Variants in GFRAL observed in about 807,000 individuals in gnomAD.
The protein encoded by GFRAL is GDNF family receptor alpha-like.
Under a neutral mutation model 45.4 loss-of-function variants are expected in GFRAL, and 36 were observed. That is an observed-to-expected ratio of 0.79 (90% CI 0.61 to 1.05). The LOEUF (loss-of-function observed/expected upper bound fraction) is 1.05, where lower values mean the gene tolerates loss of function less well. GFRAL is among the 50% of genes least tolerant of loss of function. GFRAL has a pLI of 0.00. For synonymous variants in GFRAL, 166 were observed against 154.1 expected, an observed-to-expected ratio of 1.08 and a Z score of -0.57; for missense variants, 507 against 467.5, an observed-to-expected ratio of 1.08 and a Z score of -0.78.
intron 3 of GFRAL, among the ~76,000 whole-genome samples, chr6:55,337,344 T>C (rs1767904537): frequency 6.6e-6 from 1 of 152,176 alleles, no homozygotes; most frequent in Non-Finnish European, 1.5e-5. Context: ...AAAAACTATG[T>C]TCATAAAGTA....
chr6:55,399,926 G>A (rs577063886), intron 8 of GFRAL, among the ~76,000 whole-genome samples: 4 of 152,080 alleles, frequency 2.6e-5, no homozygotes, highest in South Asian at 4.1e-4. Context: ...ATTTCATAAA[G>A]CCTCACAGAG....
At chr6:55,357,490 T>G (rs1581910333) in intron 5 of GFRAL, among the ~76,000 whole-genome samples, 2 of 151,916 alleles carry the variant, frequency 1.3e-5, no homozygotes, top group East Asian at 3.9e-4. Context: ...CTCCTGCTTC[T>G]TTTTTTGGTT....
chr6:55,375,930 T>C (rs149063649), intron 6 of GFRAL, among the ~76,000 whole-genome samples: 2 of 152,158 alleles, frequency 1.3e-5, no homozygotes, highest in Non-Finnish European at 2.9e-5. Context: ...ATCCTTATCT[T>C]GTGCTGGTGT....
intron 1 of GFRAL, 138 bp from the exon 2 acceptor site, chr6:55,331,576 GT>G: frequency 3.2e-6 from 2 of 628,970 alleles, no homozygotes; most frequent in South Asian, 5.1e-5. Context: ...TAGAGAGGAG[GT>G]TAAGGTTATT....
At chr6:55,383,132 T>C (rs1307365594) in intron 6 of GFRAL, among the ~76,000 whole-genome samples, 3 of 151,910 alleles carry the variant, frequency 2.0e-5, no homozygotes, top group Non-Finnish European at 4.4e-5. Flanking sequence ...TCACATGGTT[T>C]CCAGTTAAAA....
chr6:55,372,638 A>G (rs1768466223), intron 6 of GFRAL, among the ~76,000 whole-genome samples: 1 of 152,140 alleles, frequency 6.6e-6, no homozygotes. Flanking sequence ...GGAGCATTTT[A>G]TGGTTCGATG....
At chr6:55,366,538 G>T (rs1390042371) in intron 6 of GFRAL, among the ~76,000 whole-genome samples, 3 of 143,948 alleles carry the variant, frequency 2.1e-5, no homozygotes, top group African/African-American at 8.1e-5. Flanking sequence ...ATGTTAGGGT[G>T]TCAGTTTTGG....
At chr6:55,352,975 A>C (rs989212297) in intron 5 of GFRAL, among the ~76,000 whole-genome samples, 3 of 152,106 alleles carry the variant, frequency 2.0e-5, no homozygotes, top group Admixed American at 2.0e-4. Context: ...TTTTAAGGCA[A>C]ACAACACTAG....
At chr6:55,330,467 T>C (rs1767814724) in intron 1 of GFRAL, among the ~76,000 whole-genome samples, 1 of 152,082 alleles carries the variant, frequency 6.6e-6, no homozygotes. Context: ...GATGTCAAAT[T>C]CAATTTGAGT....
intron 3 of GFRAL, among the ~76,000 whole-genome samples, chr6:55,346,534 G>C (rs1024687204): frequency 2.6e-5 from 4 of 151,910 alleles, no homozygotes; most frequent in Non-Finnish European, 4.4e-5. Flanking sequence ...ACACACCGGG[G>C]CCTGTCGTGG....
At chr6:55,341,410 CAG>C (rs1189357555) in intron 3 of GFRAL, among the ~76,000 whole-genome samples, 1 of 152,144 alleles carries the variant, frequency 6.6e-6, no homozygotes, top group Non-Finnish European at 1.5e-5. Context: ...CCCAGTCAAA[CAG>C]GGTCTGGAGT....
intron 6 of GFRAL, among the ~76,000 whole-genome samples, chr6:55,393,650 G>A (rs79160478): frequency 0.074 from 11,198 of 152,078 alleles, 572 homozygotes; most frequent in African/African-American, 0.14. Context: ...AGAGAAAGAG[G>A]AAGGAAGGAA....
chr6:55,368,678 C>T (rs1768401911), intron 6 of GFRAL, among the ~76,000 whole-genome samples: 1 of 152,090 alleles, frequency 6.6e-6, no homozygotes, highest in Non-Finnish European at 1.5e-5. Context: ...CCCTCAGCTG[C>T]AGATCTGTTG....
intron 1 of GFRAL, among the ~76,000 whole-genome samples, chr6:55,330,062 A>G (rs2127349152): frequency 6.6e-6 from 1 of 152,266 alleles, no homozygotes; most frequent in East Asian, 1.9e-4. Context: ...GGCTAGTGTC[A>G]CTTCATATGT....
At chr6:55,372,740 A>T (rs1768468456) in intron 6 of GFRAL, among the ~76,000 whole-genome samples, 1 of 152,148 alleles carries the variant, frequency 6.6e-6, no homozygotes, top group Non-Finnish European at 1.5e-5. Context: ...AGGGAACTAT[A>T]GTCTAGCTTT....
intron 6 of GFRAL, among the ~76,000 whole-genome samples, chr6:55,385,865 A>T (rs1768675947): frequency 1.3e-5 from 2 of 152,126 alleles, no homozygotes; most frequent in Non-Finnish European, 2.9e-5. Flanking sequence ...GGTTTCTCAC[A>T]TATTAAATTC....
rs578261004 is a variant in GFRAL at position 55,327,496 on chromosome 6, G to A, written c.-59G>A. ...ATTCTGGACAGTTACTCTTAAGAAA[G>A]TTGTCAGAAGAAACGCATCTGCCTT... On this transcript the variant is annotated 5_prime_UTR_variant, in exon 1 of 9. Coordinates refer to ENST00000340465, the MANE Select transcript of GFRAL (RefSeq NM_207410.2). 2 of 1,591,654 alleles carry A rather than the reference G, an allele frequency of 1.3e-6. No homozygotes were observed. The highest frequency in any genetic ancestry group is 1.1e-5 in the South Asian group (1 of 90,184).
At chr6:55,344,219 G>A (rs999499946) in intron 3 of GFRAL, among the ~76,000 whole-genome samples, 5 of 152,124 alleles carry the variant, frequency 3.3e-5, no homozygotes, top group African/African-American at 1.2e-4. Flanking sequence ...AACAAAGCCT[G>A]GCAAAGACAC....
chr6:55,369,846 A>T (rs1230211664), intron 6 of GFRAL, among the ~76,000 whole-genome samples: 2 of 152,314 alleles, frequency 1.3e-5, no homozygotes, highest in East Asian at 3.9e-4. Flanking sequence ...TGTGCTTAAA[A>T]TATCCTGCTT....
Sources: gnomAD v4.1 joint callset for allele counts (sites outside exome capture counted in the v4.1 genomes callset) on GRCh38, gnomAD v4.1.1 for gene constraint, MANE v1.5 for transcripts, NCBI Gene and HGNC (gene_info 2026-07-23, HGNC 2026-07-21) for gene names.